NEO1: variants seen among roughly 807,000 people sequenced by gnomAD.
NEO1 encodes neogenin.
A neutral mutation model predicts 159.7 loss-of-function variants in NEO1; 63 were observed. The observed-to-expected ratio is 0.39, with a 90% confidence interval of 0.32 to 0.49. The LOEUF (loss-of-function observed/expected upper bound fraction) is 0.49. NEO1 is among the 20% of genes least tolerant of loss of function. NEO1 has a pLI of 0.85. For missense variants in NEO1, 1,615 were observed against 1,831.0 expected (o/e 0.88, Z 2.15); for synonymous variants, 633 against 662.0 (o/e 0.96, Z 0.67).
intron 7 of NEO1, among the ~76,000 whole-genome samples, chr15:73,182,292 C>G (rs776780317): frequency 2.6e-5 from 4 of 151,716 alleles, no homozygotes; most frequent in Non-Finnish European, 4.4e-5. Flanking sequence ...AACCATATCA[C>G]TAGAAGAATG....
chr15:73,141,299 T>C (rs1281370363), intron 5 of NEO1, among the ~76,000 whole-genome samples: 1 of 152,230 alleles, frequency 6.6e-6, no homozygotes, highest in Non-Finnish European at 1.5e-5. Flanking sequence ...TAGTGAGTGT[T>C]AATGTAGAAA....
At chr15:73,267,173 G>A (rs2040944861) in intron 16 of NEO1, among the ~76,000 whole-genome samples, 1 of 152,176 alleles carries the variant, frequency 6.6e-6, no homozygotes, top group South Asian at 2.1e-4. Flanking sequence ...AAGGAGAATG[G>A]CATGAACTCA....
intron 18 of NEO1, among the ~76,000 whole-genome samples, chr15:73,272,207 G>A (rs1351718656): frequency 6.6e-6 from 1 of 152,180 alleles, no homozygotes; most frequent in African/African-American, 2.4e-5. Flanking sequence ...TAATTATCCT[G>A]TTTATCCCTG....
intron 7 of NEO1, among the ~76,000 whole-genome samples, chr15:73,186,237 G>A (rs1252941697): frequency 6.6e-6 from 1 of 151,180 alleles, no homozygotes; most frequent in Admixed American, 6.6e-5. Context: ...AAATAATTAA[G>A]GGGCCATGGT....
chr15:73,253,028 C>T (rs1454290115), intron 11 of NEO1, among the ~76,000 whole-genome samples: 1 of 151,956 alleles, frequency 6.6e-6, no homozygotes, highest in Non-Finnish European at 1.5e-5. Context: ...TAAACCATCA[C>T]CAATAATACT....
At chr15:73,133,542 TA>T (rs1285415017) in intron 4 of NEO1, among the ~76,000 whole-genome samples, 3 of 152,210 alleles carry the variant, frequency 2.0e-5, no homozygotes, top group Non-Finnish European at 4.4e-5. Context: ...CCTAAAAGCC[TA>T]TTGAAATAAT....
intron 1 of NEO1, among the ~76,000 whole-genome samples, chr15:73,094,724 G>A (rs1027936882): frequency 1.3e-5 from 2 of 152,156 alleles, no homozygotes; most frequent in African/African-American, 2.4e-5. Context: ...TCCCCATGGT[G>A]TTTCTTACCA....
intron 1 of NEO1, among the ~76,000 whole-genome samples, chr15:73,109,142 A>G (rs2070838793): frequency 6.6e-6 from 1 of 152,218 alleles, no homozygotes; most frequent in Non-Finnish European, 1.5e-5. Flanking sequence ...TACAGTCCAT[A>G]TTATTTTATA....
intron 1 of NEO1, among the ~76,000 whole-genome samples, chr15:73,075,584 A>G (rs2068731713): frequency 6.6e-6 from 1 of 152,164 alleles, no homozygotes; most frequent in Admixed American, 6.5e-5. Flanking sequence ...ATCTAGAAGT[A>G]CAAGTTGATG....
intron 5 of NEO1, among the ~76,000 whole-genome samples, chr15:73,166,664 T>C (rs1478095540): frequency 2.6e-5 from 4 of 152,190 alleles, no homozygotes; most frequent in African/African-American, 9.7e-5. Flanking sequence ...TTTTCTGATT[T>C]GCAGTTCATT....
At chr15:73,263,705 G>A (rs1429314715) in intron 15 of NEO1, among the ~76,000 whole-genome samples, 2 of 152,056 alleles carry the variant, frequency 1.3e-5, no homozygotes, top group Non-Finnish European at 2.9e-5. Flanking sequence ...AACTTCAAGT[G>A]CCTAACAGAA....
Position 73,249,825 on chromosome 15 carries a change from A to G in NEO1, c.1894+104A>G, listed in dbSNP as rs1009615398. 1.5e-5 allele frequency: 20 copies of G among 1,298,624 alleles called. No homozygotes were observed. The African/African-American group carries it at 2.2e-4, about 15-fold the overall frequency. 80.4% of individuals were successfully genotyped at this position (1,298,624 alleles called of 1,614,324 possible). The stretch of plus-strand genomic sequence containing the variant: ...GTCTAGAAGATTCAGTTCAAATCCC[A>G]ATTTTACCTCTTTCTGGTAATATGA... On this transcript the variant is annotated intron_variant, in intron 11 of 28. Transcript: ENST00000261908.
At position 73,141,579 on chromosome 15, in the gene NEO1, A is replaced by G. The variant is rs112947277; in HGVS notation, c.1015+5552A>G. Among the ~76,000 whole-genome samples the G allele has an allele frequency of 3.1e-3, 471 of 152,358 alleles. 1 individual carries two copies. Among genetic ancestry groups the G allele is most frequent in the African/African-American group, 0.011 (442 of 41,588 alleles). ...TTTCCATTTGTATTTTTGTGGAACA[A>G]ATGGATAAATTCTAAATTGGCTACC... On this transcript the variant is annotated intron_variant, in intron 5 of 28. Transcript: ENST00000261908.
chr15:73,145,279 T>C lies in NEO1; in HGVS notation c.1015+9252T>C, dbSNP rs148665575. ...CCATTTTTGCGTACTGATTGAATTTTAAAATAATAACCTACTCTTGGCAAA... is the reference window on the plus strand; with the variant it reads ...CCATTTTTGCGTACTGATTGAATTTCAAAATAATAACCTACTCTTGGCAAA... On this transcript the variant is annotated intron_variant, in intron 5 of 28. Coordinates refer to ENST00000261908, the MANE Select transcript of NEO1 (RefSeq NM_002499.4). 8.6e-3 allele frequency among the ~76,000 whole-genome samples: 1,309 copies of C among 152,322 alleles called. 15 individuals carry two copies. Among genetic ancestry groups the C allele is most frequent in the African/African-American group, 0.03 (1,238 of 41,558 alleles).
At chr15:73,221,044 C>A (rs1246086640) in intron 7 of NEO1, among the ~76,000 whole-genome samples, 1 of 152,112 alleles carries the variant, frequency 6.6e-6, no homozygotes, top group Non-Finnish European at 1.5e-5. Flanking sequence ...GTTTTTTCCC[C>A]ATCTTTGTGG....
At chr15:73,243,772 T>A (rs2039606299) in intron 8 of NEO1, among the ~76,000 whole-genome samples, 1 of 152,238 alleles carries the variant, frequency 6.6e-6, no homozygotes, top group African/African-American at 2.4e-5. Flanking sequence ...CAATGAAGTG[T>A]TAATTTTAAG....
At chr15:73,281,156 G>A (rs2041679371) in intron 22 of NEO1, among the ~76,000 whole-genome samples, 3 of 148,172 alleles carry the variant, frequency 2.0e-5, no homozygotes, top group Non-Finnish European at 3.0e-5. Flanking sequence ...TGCAGTGAGC[G>A]GAGATTGTGC....
chr15:73,099,550 C>A (rs917575228), intron 1 of NEO1, among the ~76,000 whole-genome samples: 1 of 152,118 alleles, frequency 6.6e-6, no homozygotes, highest in Admixed American at 6.6e-5. Context: ...ATCTTGTGTT[C>A]TTTTCCTTTG....
At chr15:73,271,995 A>C in intron 18 of NEO1, among the ~76,000 whole-genome samples, 1 of 149,640 alleles carries the variant, frequency 6.7e-6, no homozygotes, top group African/African-American at 2.6e-5. Context: ...ACAGTATTCT[A>C]ACAAAATAAT....
Sources: allele counts gnomAD v4.1 joint callset (sites outside exome capture counted in the v4.1 genomes callset), GRCh38; gene constraint gnomAD v4.1.1; transcripts MANE v1.5; gene names NCBI Gene and HGNC (gene_info 2026-07-23, HGNC 2026-07-21).